The following MAST4 variants were observed in gnomAD, a reference collection of about 807,000 sequenced individuals.
The protein encoded by MAST4 is microtubule-associated serine/threonine-protein kinase 4.
Under a neutral mutation model 162.7 loss-of-function variants are expected in MAST4, and 89 were observed. The observed-to-expected ratio is 0.55, with a 90% CI of 0.46 to 0.65. MAST4 has a LOEUF of 0.65. Among genes scored for constraint, MAST4 ranks in the 30% least tolerant of loss-of-function variants. The pLI is 0.00. For missense variants in MAST4, 3,153 were observed against 3,374.0 expected (o/e 0.93, Z 1.62); for synonymous variants, 1,479 against 1,361.1 (o/e 1.09, Z -1.91).
intron 14 of MAST4, among the ~76,000 whole-genome samples, chr5:67,122,045 A>G (rs1038421886): frequency 6.6e-6 from 1 of 152,020 alleles, no homozygotes; most frequent in African/African-American, 2.4e-5. Flanking sequence ...TTTTGTAGAC[A>G]CATAATTTTC....
intron 4 of MAST4, among the ~76,000 whole-genome samples, chr5:67,034,848 T>C (rs1334261591): frequency 3.9e-5 from 6 of 152,288 alleles, no homozygotes; most frequent in Admixed American, 2.0e-4. Flanking sequence ...CTATAAAAAT[T>C]GTGTGCTCTA....
intron 5 of MAST4, among the ~76,000 whole-genome samples, chr5:67,077,432 A>G (rs1338359022): frequency 6.6e-6 from 1 of 152,162 alleles, no homozygotes; most frequent in Non-Finnish European, 1.5e-5. Context: ...TATTGTGCCT[A>G]AGAAGCGCCT....
intron 3 of MAST4, among the ~76,000 whole-genome samples, chr5:66,870,427 A>G (rs1254714766): frequency 6.6e-6 from 1 of 152,210 alleles, no homozygotes; most frequent in African/African-American, 2.4e-5. Flanking sequence ...TGGACTTCAT[A>G]TTCAGAGAAA....
chr5:67,150,363 T>A (rs1481324910), intron 24 of MAST4, among the ~76,000 whole-genome samples: 2 of 152,170 alleles, frequency 1.3e-5, no homozygotes, highest in Non-Finnish European at 2.9e-5. Flanking sequence ...AGAAAACAGA[T>A]CATGTATAAA....
chr5:66,646,023 G>C (rs1745810459), intron 1 of MAST4, among the ~76,000 whole-genome samples: 1 of 152,090 alleles, frequency 6.6e-6, no homozygotes, highest in Non-Finnish European at 1.5e-5. Context: ...ACTCTAACAG[G>C]TTGAAATGTT....
intron 1 of MAST4, among the ~76,000 whole-genome samples, chr5:66,718,184 T>G (rs1248238781): frequency 6.6e-6 from 1 of 150,626 alleles, no homozygotes; most frequent in Non-Finnish European, 1.5e-5. Flanking sequence ...CTTTTTTTTT[T>G]CTTTTTTTTT....
chr5:66,905,302 CAAAAAAAA>C (rs60337775), intron 4 of MAST4, among the ~76,000 whole-genome samples: 11 of 78,458 alleles, frequency 1.4e-4, no homozygotes, highest in African/African-American at 6.8e-4. Flanking sequence ...AACTCTGTCT[CAAAAAAAA>C]AAAAAAAAAA....
intron 1 of MAST4, among the ~76,000 whole-genome samples, chr5:66,716,918 A>G (rs748809362): frequency 6.6e-6 from 1 of 152,188 alleles, no homozygotes; most frequent in Middle Eastern, 3.2e-3. Flanking sequence ...AGCAATATCC[A>G]TTCAACAAAC....
At chr5:66,695,645 A>G (rs924707634) in intron 1 of MAST4, among the ~76,000 whole-genome samples, 5 of 152,210 alleles carry the variant, frequency 3.3e-5, no homozygotes, top group African/African-American at 4.8e-5. Context: ...TTTCCATACA[A>G]CAATGAGATA....
chr5:66,858,651 A>G (rs934678559), intron 3 of MAST4, among the ~76,000 whole-genome samples: 1 of 152,148 alleles, frequency 6.6e-6, no homozygotes, highest in Non-Finnish European at 1.5e-5. Flanking sequence ...TGATTTAGAT[A>G]TTTTTGGCTA....
At chr5:66,920,767 A>G (rs1197943623) in intron 4 of MAST4, among the ~76,000 whole-genome samples, 5 of 152,192 alleles carry the variant, frequency 3.3e-5, no homozygotes, top group African/African-American at 1.2e-4. Context: ...CTGGGATTAC[A>G]GGTGTGAAAA....
intron 4 of MAST4, among the ~76,000 whole-genome samples, chr5:66,993,848 C>G (rs1045402909): frequency 1.7e-4 from 26 of 151,334 alleles, no homozygotes; most frequent in Non-Finnish European, 5.9e-5. Context: ...TAAGAATCAC[C>G]TGGACATTTT....
At chr5:67,049,023 G>GTATATATATACACGTA (rs1757758502) in intron 4 of MAST4, among the ~76,000 whole-genome samples, 3 of 85,658 alleles carry the variant, frequency 3.5e-5, no homozygotes, top group Admixed American at 1.3e-4. Context: ...ATATATATAC[G>GTATATATATACACGTA]TATATATATA....
At chr5:66,599,279 G>A (rs1334690738) in intron 1 of MAST4, among the ~76,000 whole-genome samples, 2 of 152,174 alleles carry the variant, frequency 1.3e-5, no homozygotes, top group Non-Finnish European at 2.9e-5. Context: ...TTGTGGGGTT[G>A]TGGGCCTCTT....
At chr5:66,670,103 A>G (rs927866849) in intron 1 of MAST4, among the ~76,000 whole-genome samples, 3 of 152,198 alleles carry the variant, frequency 2.0e-5, no homozygotes, top group African/African-American at 7.2e-5. Flanking sequence ...AGGTGTGGCA[A>G]TTAACCTTTT....
At position 67,164,217 on chromosome 5, in the gene MAST4, G is replaced by A; in HGVS notation, c.5038G>A (p.Asp1680Asn). 1 of 1,613,688 alleles carries A rather than the reference G, an allele frequency of 6.2e-7. No homozygotes were observed. Among genetic ancestry groups the A allele is most frequent in the Non-Finnish European group, 8.5e-7 (1 of 1,179,774 alleles). The change falls in exon 29 of 29, where the codon GAC becomes AAC. Residue 1680 changes from aspartate (D) to asparagine (N), a missense_variant. Transcript: ENST00000403625. The surrounding 1 kb of genome is among the most constrained non-coding windows in gnomAD (Gnocchi z 5.3). ...AKELLRCEKL[D>N]SKLANIDYLR... The stretch of plus-strand genomic sequence containing the variant: ...GGAGCTTCTCCGATGTGAAAAGTTA[G>A]ACAGCAAGCTGGCCAACATCGATTA...
intron 1 of MAST4, among the ~76,000 whole-genome samples, chr5:66,628,223 G>A (rs1216266360): frequency 6.6e-6 from 1 of 151,934 alleles, no homozygotes; most frequent in Non-Finnish European, 1.5e-5. Flanking sequence ...TTGTGGAGGT[G>A]GGATTTCCGT....
At chr5:67,152,968 G>T (rs1772030171) in intron 25 of MAST4, 102 bp downstream of exon 25, 1 of 960,116 alleles carries the variant, frequency 1.0e-6, no homozygotes, top group Admixed American at 2.3e-5. Context: ...TTTTAAGCTT[G>T]CATTTGCGAC....
chr5:66,911,474 G>A (rs912754839), intron 4 of MAST4, among the ~76,000 whole-genome samples: 1 of 151,044 alleles, frequency 6.6e-6, no homozygotes, highest in Non-Finnish European at 1.5e-5. Context: ...GGCCAAGACA[G>A]GGGGATTGCT....
Sources: allele counts gnomAD v4.1 joint callset (sites outside exome capture counted in the v4.1 genomes callset), GRCh38; gene constraint gnomAD v4.1.1; non-coding constraint Gnocchi (gnomAD v3.1); transcripts MANE v1.5; gene names NCBI Gene and HGNC (gene_info 2026-07-23, HGNC 2026-07-21).